TCF25: variants seen among roughly 807,000 people sequenced by gnomAD.
TCF25 encodes the protein TCF25 ribosome quality control complex subunit.
TCF25 carries 41 observed loss-of-function variants against 83.1 expected under a neutral mutation model. The ratio of observed to expected loss-of-function variants is 0.49; its 90% confidence interval spans 0.38 to 0.64. TCF25 has a LOEUF of 0.64. TCF25 is among the 30% of genes least tolerant of loss of function. TCF25 has a pLI of 0.00. For synonymous variants in TCF25, 458 were observed against 365.0 expected, an observed-to-expected ratio of 1.25 and a Z score of -2.90; for missense variants, 979 against 914.5, an observed-to-expected ratio of 1.07 and a Z score of -0.91.
At chr16:89,904,593 CAA>C (rs2044618915) in intron 13 of TCF25, 12 of 493,324 alleles carry the variant, frequency 2.4e-5, no homozygotes, top group South Asian at 1.6e-4. Flanking sequence ...ACAAAATAAA[CAA>C]AGAGGGAGCA....
At position 89,884,761 on chromosome 16, in the gene TCF25, G is replaced by A. The variant is rs531613349; in HGVS notation, c.429+105G>A. On this transcript the variant is annotated intron_variant, in intron 3 of 17. Transcript: ENST00000263346. ...CTGACGCCCTCTCCCTCTGTCTGAC[G>A]CCCTCTCCCTCTGCCTGACGCCCTC... 26 of 1,012,798 alleles carry A rather than the reference G, an allele frequency of 2.6e-5. No individual in the cohort carries two copies. The African/African-American group carries it at 3.2e-4, about 12-fold the overall frequency. 62.7% of individuals were successfully genotyped at this position (1,012,798 alleles called of 1,614,324 possible).
rs2045535411 is a variant in TCF25 at position 89,911,293 on chromosome 16, G to C, written c.*55G>C. ...TGATGATGTTCCCGATTTCTCTGTT[G>C]GTCGGAGTCGGCCAGTTGCCTGAAG... On this transcript the variant is annotated 3_prime_UTR_variant, in exon 18 of 18. Coordinates refer to ENST00000263346, the MANE Select transcript of TCF25 (RefSeq NM_014972.3). 6 of 1,597,006 alleles carry C rather than the reference G, an allele frequency of 3.8e-6. No homozygotes were observed.
At chr16:89,879,159 G>A (rs564729354) in intron 1 of TCF25, among the ~76,000 whole-genome samples, 15 of 150,364 alleles carry the variant, frequency 1.0e-4, no homozygotes, top group African/African-American at 3.2e-4. Flanking sequence ...CGTGCTGTTC[G>A]TGTACACAGA....
chr16:89,901,435 G>A (rs1184211408), intron 12 of TCF25, among the ~76,000 whole-genome samples: 1 of 151,188 alleles, frequency 6.6e-6, no homozygotes, highest in Non-Finnish European at 1.5e-5. Flanking sequence ...GAGGGGTGAG[G>A]GTGAAATCCC....
intron 7 of TCF25, 48 bp from the exon 8 acceptor site, chr16:89,894,990 G>A: frequency 6.4e-7 from 1 of 1,553,720 alleles, no homozygotes. Flanking sequence ...CTGGGAGCTG[G>A]GGCCTTGCTG....
chr16:89,906,162 A>C, intron 14 of TCF25, 32 bp from the exon 15 acceptor site: 1 of 1,597,376 alleles, frequency 6.3e-7, no homozygotes, highest in African/African-American at 1.3e-5. Flanking sequence ...GCTGTGCTTT[A>C]TCTGCTGTGC....
chr16:89,894,710 C>T (rs1348356812), intron 7 of TCF25, among the ~76,000 whole-genome samples: 1 of 152,214 alleles, frequency 6.6e-6, no homozygotes, highest in Non-Finnish European at 1.5e-5. Flanking sequence ...GTCGCCTAAG[C>T]TAGAGTGCAT....
At chr16:89,887,740 T>TTC in intron 5 of TCF25, 23 bp downstream of exon 5, 2 of 1,541,332 alleles carry the variant, frequency 1.3e-6, no homozygotes, top group Non-Finnish European at 1.7e-6. Flanking sequence ...GTGAGCTGCA[T>TTC]TCTCACAGCT....
At chr16:89,885,081 ACGCCCTCTCCCTC>A (rs1567702710) in intron 3 of TCF25, among the ~76,000 whole-genome samples, 60 of 105,398 alleles carry the variant, frequency 5.7e-4, no homozygotes, top group Middle Eastern at 0.016. Flanking sequence ...CCTCTGCCTG[ACGCCCTCTCCCTC>A]TGCCTGACGC....
intron 11 of TCF25, among the ~76,000 whole-genome samples, chr16:89,899,730 A>G (rs956279115): frequency 5.4e-5 from 8 of 148,892 alleles, no homozygotes; most frequent in African/African-American, 1.5e-4. Flanking sequence ...CTCCGTCTCA[A>G]AAAAAAAAAA....
intron 16 of TCF25, 111 bp from the exon 17 acceptor site, chr16:89,910,480 C>T (rs1232708756): frequency 6.4e-6 from 7 of 1,097,060 alleles, no homozygotes; most frequent in African/African-American, 1.5e-5. Flanking sequence ...CCCCTGGCGG[C>T]CCCTCCGTGT....
intron 1 of TCF25, chr16:89,878,639 G>A (rs2042371161): frequency 9.1e-7 from 1 of 1,103,222 alleles, no homozygotes; most frequent in Admixed American, 4.7e-5. Flanking sequence ...TAGGTAATAA[G>A]GTGTTTTGTT....
At chr16:89,896,609 A>C (rs936541056) in intron 9 of TCF25, among the ~76,000 whole-genome samples, 2 of 142,130 alleles carry the variant, frequency 1.4e-5, no homozygotes, top group Non-Finnish European at 3.0e-5. Flanking sequence ...GCCGGAGTGC[A>C]GGGGCGCGAT....
chr16:89,909,320 G>A, intron 16 of TCF25: 1 of 403,868 alleles, frequency 2.5e-6, no homozygotes, highest in Non-Finnish European at 4.4e-6. Context: ...GACCAGCCTG[G>A]CCAACGTGCT....
At chr16:89,911,022 C>A in intron 17 of TCF25, 58 bp from the exon 18 acceptor site, 1 of 1,597,218 alleles carries the variant, frequency 6.3e-7, no homozygotes. Flanking sequence ...TGCTTGGGCC[C>A]CGGGCCCCTA....
chr16:89,877,153 T>C (rs1212000661), intron 1 of TCF25, among the ~76,000 whole-genome samples: 1 of 152,052 alleles, frequency 6.6e-6, no homozygotes, highest in Non-Finnish European at 1.5e-5. Context: ...AATTATGGAT[T>C]TGTCTATTTC....
At chr16:89,896,916 G>A (rs1403131426) in intron 9 of TCF25, among the ~76,000 whole-genome samples, 1 of 152,120 alleles carries the variant, frequency 6.6e-6, no homozygotes, top group Non-Finnish European at 1.5e-5. Flanking sequence ...CCAGCTACTT[G>A]GGAGGTTGAG....
intron 8 of TCF25, among the ~76,000 whole-genome samples, chr16:89,895,708 C>T (rs960302342): frequency 4.6e-5 from 7 of 152,260 alleles, no homozygotes; most frequent in East Asian, 3.8e-4. Flanking sequence ...TAGGTGGACA[C>T]ATCTGTGCTG....
chr16:89,885,766 T>A, intron 3 of TCF25, 82 bp from the exon 4 acceptor site: 1 of 1,211,656 alleles, frequency 8.3e-7, no homozygotes, highest in Non-Finnish European at 1.2e-6. Flanking sequence ...TAGGTCTCTT[T>A]TAAGATAAAT....
Sources: allele counts gnomAD v4.1 joint callset (sites outside exome capture counted in the v4.1 genomes callset), GRCh38; gene constraint gnomAD v4.1.1; transcripts MANE v1.5; gene names NCBI Gene and HGNC (gene_info 2026-07-23, HGNC 2026-07-21).